Variants in FRMPD4 observed in about 807,000 individuals in gnomAD.
The protein encoded by FRMPD4 is FERM and PDZ domain-containing protein 4.
In FRMPD4, 22 loss-of-function variants were observed where a neutral mutation model predicts 94.1. That is an observed-to-expected ratio of 0.23 (90% CI 0.17 to 0.33). The LOEUF is 0.33. Ranked by LOEUF, FRMPD4 falls within the 10% of genes least tolerant of loss-of-function variation. The pLI is 1.00. For synonymous variants in FRMPD4, 631 were observed against 548.6 expected, an observed-to-expected ratio of 1.15 and a Z score of -2.10; for missense variants, 1,111 against 1,339.9, an observed-to-expected ratio of 0.83 and a Z score of 2.67.
chrX:12,320,100 G>T (rs2055185452), intron 1 of FRMPD4, among the ~76,000 whole-genome samples: 1 of 111,968 alleles, frequency 8.9e-6, no homozygotes, highest in Non-Finnish European at 1.9e-5. Flanking sequence ...AGTATAATTT[G>T]CTGTGAAACC....
chrX:12,645,380 A>AGTC (rs1344175264), intron 4 of FRMPD4, among the ~76,000 whole-genome samples: 1 of 69,366 alleles, frequency 1.4e-5, no homozygotes, highest in Non-Finnish European at 2.4e-5. Context: ...TTTGAGATGG[A>AGTC]GTCTCACTCT....
intron 1 of FRMPD4, among the ~76,000 whole-genome samples, chrX:12,385,707 G>A (rs1228128341): frequency 8.9e-6 from 1 of 112,332 alleles, no homozygotes; most frequent in Non-Finnish European, 1.9e-5. Context: ...TTTAAGGAAA[G>A]TATATTAACA....
chrX:11,857,328 C>A (rs1395179725), intron 1 of FRMPD4, among the ~76,000 whole-genome samples: 1 of 111,108 alleles, frequency 9.0e-6, no homozygotes, highest in Non-Finnish European at 1.9e-5. Flanking sequence ...CTACAGTAAC[C>A]AAAACATCAT....
intron 3 of FRMPD4, among the ~76,000 whole-genome samples, chrX:12,049,799 G>A (rs1373277192): frequency 2.7e-5 from 3 of 111,320 alleles, no homozygotes; most frequent in Non-Finnish European, 5.7e-5. Context: ...GAAGGTGAAA[G>A]ACAATGATAG....
At chrX:12,119,655 T>C (rs777346768) in intron 3 of FRMPD4, among the ~76,000 whole-genome samples, 2 of 112,349 alleles carry the variant, frequency 1.8e-5, no homozygotes, top group African/African-American at 3.2e-5. Flanking sequence ...AAGACAGTAA[T>C]GATGTGAGAA....
intron 1 of FRMPD4, among the ~76,000 whole-genome samples, chrX:12,451,036 C>T (rs992101913): frequency 9.1e-6 from 1 of 110,433 alleles, no homozygotes; most frequent in Non-Finnish European, 1.9e-5. Context: ...GACATCATTT[C>T]CTACTGCTCA....
At chrX:12,270,131 A>G (rs2054332796) in intron 1 of FRMPD4, among the ~76,000 whole-genome samples, 1 of 112,048 alleles carries the variant, frequency 8.9e-6, no homozygotes. Flanking sequence ...AATGTCATCT[A>G]CTGGCTATGG....
intron 1 of FRMPD4, among the ~76,000 whole-genome samples, chrX:12,171,787 A>G (rs1043764124): frequency 1.6e-4 from 18 of 112,087 alleles, no homozygotes; most frequent in Non-Finnish European, 2.8e-4. Context: ...AGAAACAAGG[A>G]AAGTCATATC....
chrX:11,840,359 T>C (rs1438725235), intron 1 of FRMPD4, among the ~76,000 whole-genome samples: 1 of 111,847 alleles, frequency 8.9e-6, no homozygotes, highest in Non-Finnish European at 1.9e-5. Context: ...AATTTCATTT[T>C]TATTCATTGA....
At chrX:12,024,009 G>T (rs2054645950) in intron 3 of FRMPD4, among the ~76,000 whole-genome samples, 1 of 111,464 alleles carries the variant, frequency 9.0e-6, no homozygotes, top group South Asian at 3.8e-4. Flanking sequence ...GAACCACAAA[G>T]CTTCTGAAGT....
At chrX:12,680,918 T>C (rs1467212003) in intron 5 of FRMPD4, among the ~76,000 whole-genome samples, 2 of 110,934 alleles carry the variant, frequency 1.8e-5, no homozygotes, top group Non-Finnish European at 3.8e-5. Flanking sequence ...CAAGTAACCT[T>C]ACGTATTTTC....
At chrX:12,523,947 G>C (rs2058192327) in intron 2 of FRMPD4, among the ~76,000 whole-genome samples, 2 of 111,254 alleles carry the variant, frequency 1.8e-5, no homozygotes, top group African/African-American at 6.6e-5. Context: ...TTGAGGCCAG[G>C]AGTTCAAGAC....
chrX:12,685,431 C>T (rs944543286), intron 6 of FRMPD4, among the ~76,000 whole-genome samples: 3 of 111,943 alleles, frequency 2.7e-5, no homozygotes, highest in African/African-American at 9.7e-5. Context: ...CTATTGTTTG[C>T]TTTTTGTCAT....
At position 12,392,467 on chromosome X, in the gene FRMPD4, A is replaced by G. The variant is rs890055035; in HGVS notation, c.42-106213A>G. 3.8e-5 allele frequency among the ~76,000 whole-genome samples: 4 copies of G among 104,785 alleles called. No homozygotes were observed. In the East Asian group the frequency reaches 1.4e-3, roughly 37 times the overall value. The allele number at this position is 104,785 out of a possible 115,157, so 91.0% of individuals were successfully genotyped here. A position where few individuals can be genotyped will look rare whatever the true frequency, so the allele number is the denominator to read the frequency against. ...GGAGTTCGAGACCAGCCTGGCCAAC[A>G]TGGTGAAACCCCGTCTCTACAAAAA... On this transcript the variant is annotated intron_variant, in intron 1 of 16. Coordinates refer to ENST00000675598, the MANE Select transcript of FRMPD4 (RefSeq NM_001368397.1).
chrX:12,037,899 A>G (rs142771988), intron 3 of FRMPD4, among the ~76,000 whole-genome samples: 279 of 111,831 alleles, frequency 2.5e-3, no homozygotes, highest in African/African-American at 8.6e-3. Flanking sequence ...ACGTCCCTGC[A>G]AAGGACATGA....
At chrX:12,642,414 G>A (rs1052935702) in intron 4 of FRMPD4, among the ~76,000 whole-genome samples, 1 of 111,934 alleles carries the variant, frequency 8.9e-6, no homozygotes, top group Non-Finnish European at 1.9e-5. Context: ...GAGAGAAAGA[G>A]CTTAGAGTGC....
At chrX:12,443,871 G>A (rs763437688) in intron 1 of FRMPD4, among the ~76,000 whole-genome samples, 1 of 112,133 alleles carries the variant, frequency 8.9e-6, no homozygotes, top group South Asian at 3.7e-4. Context: ...GTGTGTCCCA[G>A]CCACATGGTG....
intron 2 of FRMPD4, among the ~76,000 whole-genome samples, chrX:12,544,413 C>G (rs1423534912): frequency 1.8e-5 from 2 of 111,615 alleles, no homozygotes; most frequent in Non-Finnish European, 3.8e-5. Context: ...CTTAACTATT[C>G]AAGCATATAC....
intron 1 of FRMPD4, among the ~76,000 whole-genome samples, chrX:12,367,673 C>T (rs919556372): frequency 1.4e-4 from 16 of 110,913 alleles, no homozygotes; most frequent in Admixed American, 6.7e-4. Flanking sequence ...GGAGATGCTT[C>T]GAGGTCCTTT....
Sources: gnomAD v4.1 joint callset for allele counts (sites outside exome capture counted in the v4.1 genomes callset) on GRCh38, gnomAD v4.1.1 for gene constraint, MANE v1.5 for transcripts, NCBI Gene and HGNC (gene_info 2026-07-23, HGNC 2026-07-21) for gene names.